CBLN2: variants seen among roughly 807,000 people sequenced by gnomAD.
CBLN2 encodes cerebellin-2.
A neutral mutation model predicts 15.0 loss-of-function variants in CBLN2; 7 were observed. The ratio of observed to expected loss-of-function variants is 0.47; its 90% CI spans 0.27 to 0.88. The LOEUF is 0.88. Among genes scored for constraint, CBLN2 ranks in the 40% least tolerant of loss-of-function variants. The probability of loss-of-function intolerance (pLI) is 0.14; values close to 1 mark genes in which losing one functional copy is unlikely to be tolerated. For missense variants in CBLN2, 242 were observed against 304.5 expected (o/e 0.79, Z 1.53); for synonymous variants, 149 against 135.2 (o/e 1.10, Z -0.71).
At position 72,543,774 on chromosome 18, in the gene CBLN2, G is replaced by T. The variant is rs2069136640; in HGVS notation, c.-212+203C>A. The stretch of plus-strand genomic sequence containing the variant: ...TGCGCCCAGGTGCCTCCAACCCCTG[G>T]GCTTCGCGCCCGCACCGCTGCCTGG... On this transcript the variant is annotated intron_variant, in intron 1 of 4. Coordinates refer to ENST00000269503, the MANE Select transcript of CBLN2 (RefSeq NM_182511.4). The surrounding 1 kb of genome is among the most constrained non-coding windows in gnomAD (Gnocchi z 6.8). Among the ~76,000 whole-genome samples, 2 of 151,850 alleles carry T rather than the reference G, an allele frequency of 1.3e-5. No homozygotes were observed. The highest frequency in any genetic ancestry group is 2.9e-5 in the Non-Finnish European group (2 of 67,926).
intron 1 of CBLN2, chr18:72,619,061 G>C (rs796234395): frequency 8.0e-6 from 6 of 751,324 alleles, no homozygotes; most frequent in African/African-American, 3.4e-5. Flanking sequence ...TTTGGCAATT[G>C]CAACAGTCTT....
intron 1 of CBLN2, among the ~76,000 whole-genome samples, chr18:72,615,857 A>C (rs888852728): frequency 2.0e-5 from 3 of 152,268 alleles, no homozygotes; most frequent in Non-Finnish European, 2.9e-5. Flanking sequence ...TATTCTATGA[A>C]GTTGTCTTCT....
Position 72,538,371 on chromosome 18 carries a change from G to A in CBLN2, c.480C>T (p.Val160=), listed in dbSNP as rs151074773. The stretch of plus-strand genomic sequence containing the variant: ...CTGGGTAGCCATTCTGCATTAAACT[G>A]ACCTAAAATGCAGAGAGTAGAGCTC... ...VKVYNRQTIQ[V]SLMQNGYPVI... Residue 160 remains valine (V), a splice_region_variant and synonymous_variant, in exon 5 of 5, where the codon GTC becomes GTT. Transcript: ENST00000269503. The A allele has an allele frequency of 5.5e-4, 887 of 1,614,014 alleles. 10 individuals carry two copies. In the East Asian group the frequency reaches 0.019, roughly 34 times the overall value.
At chr18:72,569,772 T>C (rs1461468664) in intron 1 of CBLN2, among the ~76,000 whole-genome samples, 1 of 152,022 alleles carries the variant, frequency 6.6e-6, no homozygotes, top group African/African-American at 2.4e-5. Context: ...GGGAAGGCAA[T>C]AAGCAGTTCA....
chr18:72,590,284 A>C (rs1035122174), intron 1 of CBLN2, among the ~76,000 whole-genome samples: 2 of 145,540 alleles, frequency 1.4e-5, no homozygotes, highest in African/African-American at 5.2e-5. Flanking sequence ...AAAAACAAAA[A>C]CAAAAAAAAA....
At chr18:72,638,311 G>C (rs763129222) in intron 1 of CBLN2, 1 of 398,444 alleles carries the variant, frequency 2.5e-6, no homozygotes, top group Admixed American at 4.4e-5. Context: ...CTAGCCTAAA[G>C]TTTTAACACG....
intron 1 of CBLN2, among the ~76,000 whole-genome samples, chr18:72,624,176 G>C (rs894462480): frequency 6.6e-6 from 1 of 151,848 alleles, no homozygotes; most frequent in Admixed American, 6.6e-5. Context: ...AGAGATCAAT[G>C]AGGGTTAAGA....
intron 1 of CBLN2, among the ~76,000 whole-genome samples, chr18:72,623,489 G>A (rs1206595696): frequency 6.6e-6 from 1 of 152,052 alleles, no homozygotes; most frequent in Non-Finnish European, 1.5e-5. Flanking sequence ...TGAAGTCACT[G>A]AAGACTAAAA....
At chr18:72,615,285 T>A (rs546782951) in intron 1 of CBLN2, among the ~76,000 whole-genome samples, 4,975 of 141,778 alleles carry the variant, frequency 0.035, 142 homozygotes, top group Non-Finnish European at 0.052. Flanking sequence ...TATATATATT[T>A]TTTTTTTGAG....
chr18:72,573,622 T>C (rs2069345685), intron 1 of CBLN2, among the ~76,000 whole-genome samples: 1 of 152,244 alleles, frequency 6.6e-6, no homozygotes, highest in Admixed American at 6.5e-5. Context: ...CCTGGCTTCA[T>C]AGATCATTTC....
intron 1 of CBLN2, among the ~76,000 whole-genome samples, chr18:72,596,736 A>G (rs2069516388): frequency 6.6e-6 from 1 of 152,182 alleles, no homozygotes; most frequent in African/African-American, 2.4e-5. Context: ...TAAGTATGTC[A>G]TGACACTCTC....
At position 72,586,917 on chromosome 18, in the gene CBLN2, A is replaced by G. The variant is rs923912705; in HGVS notation, c.16-48145T>C. Among the ~76,000 whole-genome samples, 12 of 152,246 alleles carry G rather than the reference A, an allele frequency of 7.9e-5. No individual in the cohort carries two copies. In the East Asian group the frequency reaches 2.3e-3, roughly 29 times the overall value. ...AGCAGAGGGAGAAAATCCTAAGGTTAAAATTTTCAAATGTTCATACTATAA... is the reference window on the plus strand; with the variant it reads ...AGCAGAGGGAGAAAATCCTAAGGTTGAAATTTTCAAATGTTCATACTATAA... On this transcript the variant is annotated intron_variant, in intron 1 of 2. Transcript: ENST00000581073.
chr18:72,615,202 TTA>T (rs2069651329), intron 1 of CBLN2, among the ~76,000 whole-genome samples: 1 of 137,438 alleles, frequency 7.3e-6, no homozygotes, highest in Non-Finnish European at 1.5e-5. Context: ...AAATATATAT[TTA>T]TATATGTGTA....
At chr18:72,612,281 A>G (rs751643513) in intron 1 of CBLN2, among the ~76,000 whole-genome samples, 47 of 152,214 alleles carry the variant, frequency 3.1e-4, no homozygotes, top group Non-Finnish European at 5.9e-5. Context: ...GAAAAATGAC[A>G]TTAATAGTTT....
intron 2 of CBLN2, among the ~76,000 whole-genome samples, chr18:72,542,647 C>A (rs1402291332): frequency 6.6e-6 from 1 of 152,088 alleles, no homozygotes; most frequent in Admixed American, 6.5e-5. Flanking sequence ...CATTCACCAG[C>A]GCGGAGGGGG....
chr18:72,585,806 C>T (rs1239209664), intron 1 of CBLN2, among the ~76,000 whole-genome samples: 1 of 152,234 alleles, frequency 6.6e-6, no homozygotes, highest in Non-Finnish European at 1.5e-5. Flanking sequence ...CCTTGGCCTC[C>T]CTCTCATGCC....
intron 1 of CBLN2, among the ~76,000 whole-genome samples, chr18:72,592,825 C>A (rs1459609935): frequency 6.6e-6 from 1 of 152,028 alleles, no homozygotes; most frequent in Non-Finnish European, 1.5e-5. Flanking sequence ...TTTCTGGCTT[C>A]TCTATTCTGT....
intron 2 of CBLN2, 90 bp from the exon 3 acceptor site, chr18:72,542,416 G>A: frequency 4.5e-6 from 1 of 223,534 alleles, no homozygotes; most frequent in South Asian, 1.8e-4. Context: ...CGGCTCGGGG[G>A]TTCTCCCCGA....
intron 1 of CBLN2, among the ~76,000 whole-genome samples, chr18:72,568,148 A>G (rs777669086): frequency 1.3e-5 from 2 of 152,094 alleles, no homozygotes; most frequent in Non-Finnish European, 2.9e-5. Context: ...GTTGTGTATA[A>G]CCAGTCACGT....
Sources: allele counts gnomAD v4.1 joint callset (sites outside exome capture counted in the v4.1 genomes callset), GRCh38; gene constraint gnomAD v4.1.1; non-coding constraint Gnocchi (gnomAD v3.1); transcripts MANE v1.5; gene names NCBI Gene and HGNC (gene_info 2026-07-23, HGNC 2026-07-21).